The following WLS variants were observed in gnomAD, a reference collection of about 807,000 sequenced individuals.
WLS encodes the protein Wnt ligand secretion mediator, also known as protein wntless homolog.
In WLS, 23 loss-of-function variants were observed where a neutral mutation model predicts 62.8. The observed-to-expected ratio is 0.37, with a 90% CI of 0.26 to 0.52. The LOEUF is 0.52. Ranked by LOEUF, WLS falls within the 20% of genes least tolerant of loss-of-function variation. The pLI, the probability that WLS is intolerant of heterozygous loss-of-function variation, is 0.92. For missense variants in WLS, 615 were observed against 697.3 expected, an observed-to-expected ratio of 0.88 and a Z score of 1.33; for synonymous variants, 246 against 244.1, an observed-to-expected ratio of 1.01 and a Z score of -0.07.
At chr1:68,232,053 C>T in intron 1 of WLS, 141 bp downstream of exon 1, 1 of 1,172,942 alleles carries the variant, frequency 8.5e-7, no homozygotes. Context: ...CCATGGAGCT[C>T]TGCTTTCTTA....
At chr1:68,175,987 G>A (rs962155256) in intron 2 of WLS, among the ~76,000 whole-genome samples, 2 of 152,176 alleles carry the variant, frequency 1.3e-5, no homozygotes, top group African/African-American at 2.4e-5. Context: ...GACAAGTTTC[G>A]TAAAGGAAAA....
rs891213569 is a variant in WLS, at chr1:68,230,535, T to C, written c.106+1659A>G. On this transcript the variant is annotated intron_variant, in intron 1 of 11. Transcript: ENST00000262348. ...CAATACGGGGAAACGAGATTGCATG[T>C]AGCCAAACAGAAGCTCCTAACACAA... Among the ~76,000 whole-genome samples, 7 of 151,988 alleles carry C rather than the reference T, an allele frequency of 4.6e-5. No homozygotes were observed. In the East Asian group the frequency reaches 9.8e-4, roughly 21 times the overall value.
rs1469525770 is a variant in WLS, at chr1:68,126,180, G to A, written c.*46C>T. 2 of 1,609,956 alleles carry A rather than the reference G, an allele frequency of 1.2e-6. No individual in the cohort carries two copies. Among genetic ancestry groups the A allele is most frequent in the South Asian group, 1.1e-5 (1 of 90,376 alleles). On this transcript the variant is annotated 3_prime_UTR_variant, in exon 12 of 12. Coordinates refer to ENST00000262348, the MANE Select transcript of WLS (RefSeq NM_024911.7). ...TGGCATGCTCCCCACTCTAGTTAGA[G>A]GGGCTGGGGTATGGAGAGACCGTCC...
chr1:68,104,716 C>G (rs1646121954), intron 11 of WLS, among the ~76,000 whole-genome samples: 1 of 152,112 alleles, frequency 6.6e-6, no homozygotes, highest in African/African-American at 2.4e-5. Context: ...TTGATCAAGA[C>G]CAGCCAGGGA....
intron 2 of WLS, chr1:68,162,408 A>C: frequency 6.2e-7 from 1 of 1,613,820 alleles, no homozygotes; most frequent in Non-Finnish European, 8.5e-7. Context: ...AATCCTACAG[A>C]GTGTAGACCC....
intron 11 of WLS, among the ~76,000 whole-genome samples, chr1:68,132,646 C>T (rs545106350): frequency 3.3e-5 from 5 of 152,230 alleles, no homozygotes; most frequent in African/African-American, 1.2e-4. Flanking sequence ...AAATGCTTAG[C>T]GTGAACAGAA....
At chr1:68,230,080 A>G (rs1042729535) in intron 1 of WLS, among the ~76,000 whole-genome samples, 4 of 152,118 alleles carry the variant, frequency 2.6e-5, no homozygotes, top group Admixed American at 1.3e-4. Flanking sequence ...CCAGCCACTC[A>G]CGAGTGCCCT....
At chr1:68,106,342 G>C (rs577226143) in intron 11 of WLS, among the ~76,000 whole-genome samples, 36 of 152,242 alleles carry the variant, frequency 2.4e-4, no homozygotes, top group African/African-American at 8.7e-4. Flanking sequence ...TTCGAGGGGG[G>C]CCTAAGGGAG....
chr1:68,175,779 G>A (rs1188113996), intron 2 of WLS, among the ~76,000 whole-genome samples: 1 of 152,120 alleles, frequency 6.6e-6, no homozygotes, highest in East Asian at 1.9e-4. Context: ...CCAGACTACA[G>A]GGCAGTGCTT....
At chr1:68,155,576 G>C (rs1182753539) in intron 3 of WLS, among the ~76,000 whole-genome samples, 1 of 152,036 alleles carries the variant, frequency 6.6e-6, no homozygotes. Flanking sequence ...TTAGAACCTC[G>C]CATCTTACGA....
At chr1:68,153,411 C>T in intron 5 of WLS, 106 bp downstream of exon 5, 1 of 1,491,514 alleles carries the variant, frequency 6.7e-7, no homozygotes, top group Non-Finnish European at 9.1e-7. Context: ...AAATCACTGG[C>T]CTAAGTCACA....
At chr1:68,210,055 G>A (rs534638900) in intron 1 of WLS, among the ~76,000 whole-genome samples, 35 of 152,302 alleles carry the variant, frequency 2.3e-4, no homozygotes, top group African/African-American at 7.9e-4. Context: ...CTATTGTAGA[G>A]GTTGTTGATC....
intron 1 of WLS, among the ~76,000 whole-genome samples, chr1:68,204,706 G>A (rs761914477): frequency 3.9e-5 from 6 of 152,134 alleles, no homozygotes; most frequent in African/African-American, 7.2e-5. Flanking sequence ...TAGCTCAAGG[G>A]CCGTCTCTCC....
At chr1:68,151,426 AC>A (rs2100470940) in intron 5 of WLS, among the ~76,000 whole-genome samples, 1 of 152,342 alleles carries the variant, frequency 6.6e-6, no homozygotes, top group South Asian at 2.1e-4. Context: ...CAATGGAGTG[AC>A]ATGATTCATT....
intron 2 of WLS, chr1:68,186,489 G>A (rs1469028284): frequency 2.5e-6 from 1 of 395,400 alleles, no homozygotes; most frequent in South Asian, 1.8e-5. Flanking sequence ...TTCAAAGACT[G>A]CCACGAAAAG....
rs868218906 is a variant in WLS at position 68,192,963 on chromosome 1, G to T, written c.379+992C>A. On this transcript the variant is annotated intron_variant, in intron 2 of 11. Transcript: ENST00000262348. ...TACAAAAAAAAAAAAAAAAAATTTT[G>T]CTGGGCGTGGTGGTGGGTGCCTGTA... Among the ~76,000 whole-genome samples the T allele has an allele frequency of 1.0e-3, 134 of 131,068 alleles. 1 individual carries two copies. The South Asian group carries it at 0.01, about 10-fold the overall frequency. 86.0% of individuals were successfully genotyped at this position (131,068 alleles called of 152,430 possible). A position where few individuals can be genotyped will look rare whatever the true frequency, so the allele number is the denominator to read the frequency against.
Position 68,120,032 on chromosome 1 carries a change from T to C in WLS, c.1510+17748A>G, listed in dbSNP as rs1646344154. On this transcript the variant is annotated intron_variant, in intron 11 of 11. Transcript: ENST00000354777. ...ACGTTATAAGAAGGGGCTGTCCAGA[T>C]GATAAATGAAATTAATAAACCACCC... Among the ~76,000 whole-genome samples the C allele has an allele frequency of 2.0e-5, 3 of 149,836 alleles. No individual in the cohort carries two copies. The South Asian group carries it at 6.7e-4, about 33-fold the overall frequency.
chr1:68,098,632 T>C (rs1163452899), exon 12 of WLS: 6 of 1,613,588 alleles, frequency 3.7e-6, no homozygotes, highest in Non-Finnish European at 5.1e-6. Context: ...CCTTGTTGAC[T>C]CAAATACCAG....
Position 68,162,384 on chromosome 1 carries a change from G to A in WLS, c.380-3137C>T, listed in dbSNP as rs567921582. 18 of 1,613,832 alleles carry A rather than the reference G, an allele frequency of 1.1e-5. No homozygotes were observed. In the East Asian group the frequency reaches 1.6e-4, roughly 14 times the overall value. On this transcript the variant is annotated intron_variant, in intron 2 of 11. Coordinates refer to ENST00000262348, the MANE Select transcript of WLS (RefSeq NM_024911.7). Reference sequence around the variant, plus strand: ...GATTGCAGTGCAAGGAGACGCAGTCGCTCTGATACAGCAAATCCTACAGAG... The same window carrying A: ...GATTGCAGTGCAAGGAGACGCAGTCACTCTGATACAGCAAATCCTACAGAG...
Sources: allele counts gnomAD v4.1 joint callset (sites outside exome capture counted in the v4.1 genomes callset), GRCh38; gene constraint gnomAD v4.1.1; transcripts MANE v1.5; gene names NCBI Gene and HGNC (gene_info 2026-07-23, HGNC 2026-07-21).